Variants in MIER1 observed in about 807,000 individuals in gnomAD.
MIER1 encodes MIER1 transcriptional regulator, also known as mesoderm induction early response protein 1.
In MIER1, 40 loss-of-function variants were observed where a neutral mutation model predicts 75.7. The ratio of observed to expected loss-of-function variants is 0.53; its 90% CI spans 0.41 to 0.69. MIER1 has a LOEUF of 0.69. Among genes scored for constraint, MIER1 ranks in the 30% least tolerant of loss-of-function variants. MIER1 has a pLI of 0.00. For synonymous variants in MIER1, 213 were observed against 223.4 expected (o/e 0.95, Z 0.42); for missense variants, 574 against 680.2 (o/e 0.84, Z 1.74).
intron 4 of MIER1, among the ~76,000 whole-genome samples, chr1:66,950,865 C>A (rs1658772752): frequency 6.6e-6 from 1 of 152,152 alleles, no homozygotes; most frequent in African/African-American, 2.4e-5. Context: ...TGGATGTGGT[C>A]CCTTAGGCCT....
chr1:66,932,852 A>T (rs898121556), intron 2 of MIER1: 1 of 152,150 alleles, frequency 6.6e-6, no homozygotes, highest in African/African-American at 2.4e-5. Context: ...CTTTTAAAAA[A>T]AAAAATTGAT....
intron 5 of MIER1, among the ~76,000 whole-genome samples, 187 bp downstream of exon 5, chr1:66,958,407 G>A (rs1181551336): frequency 6.6e-6 from 1 of 151,858 alleles, no homozygotes; most frequent in Non-Finnish European, 1.5e-5. Flanking sequence ...TGAGGTAACA[G>A]TTTGGTCTTG....
intron 4 of MIER1, chr1:66,947,042 A>T (rs1431311097): frequency 2.1e-6 from 2 of 975,312 alleles, no homozygotes; most frequent in African/African-American, 3.5e-5. Context: ...ATGTAGTATG[A>T]GGGTCAGTTG....
chr1:66,925,453 T>C, intron 1 of MIER1: 2 of 985,460 alleles, frequency 2.0e-6, no homozygotes, highest in Non-Finnish European at 2.4e-6. Flanking sequence ...ACCACCCTGC[T>C]GTGGCTCCGC....
chr1:66,942,302 G>C (rs757927369), intron 3 of MIER1, among the ~76,000 whole-genome samples: 2 of 152,114 alleles, frequency 1.3e-5, no homozygotes, highest in Non-Finnish European at 2.9e-5. Context: ...TAATTGCTTT[G>C]TCTGTAGTCT....
At chr1:66,969,593 G>C (rs1393913350) in intron 8 of MIER1, among the ~76,000 whole-genome samples, 1 of 147,506 alleles carries the variant, frequency 6.8e-6, no homozygotes, top group Non-Finnish European at 1.5e-5. Context: ...CTGGTACATA[G>C]GATATGCTTA....
chr1:66,966,197 C>A (rs1264260653), intron 8 of MIER1, among the ~76,000 whole-genome samples: 1 of 152,140 alleles, frequency 6.6e-6, no homozygotes, highest in East Asian at 1.9e-4. Context: ...CTCCCCACCC[C>A]ACGACAGGCC....
At chr1:66,982,480 GT>G (rs2102085619) in intron 13 of MIER1, among the ~76,000 whole-genome samples, 1 of 152,322 alleles carries the variant, frequency 6.6e-6, no homozygotes, top group African/African-American at 2.4e-5. Flanking sequence ...TTCAGATAGT[GT>G]TTCCGTTTAA....
intron 4 of MIER1, among the ~76,000 whole-genome samples, chr1:66,951,161 C>A (rs1271162414): frequency 6.6e-6 from 1 of 152,202 alleles, no homozygotes; most frequent in African/African-American, 2.4e-5. Flanking sequence ...GCAGACTTAA[C>A]TTGAGATATA....
intron 2 of MIER1, among the ~76,000 whole-genome samples, chr1:66,928,548 G>T (rs1178385534): frequency 2.6e-5 from 4 of 152,112 alleles, no homozygotes; most frequent in Non-Finnish European, 5.9e-5. Context: ...AATTGTGTCT[G>T]TACCCACCTC....
chr1:66,985,580 A>G lies in MIER1; in HGVS notation c.*680A>G, dbSNP rs1006030293. On this transcript the variant is annotated 3_prime_UTR_variant, in exon 14 of 14. Coordinates refer to ENST00000401041, the MANE Select transcript of MIER1 (RefSeq NM_001077700.3). ...TTTCCAGATTCTTTGTAGCCTTTGAAAGATTTTTACAGTACATATGTCTTG... is the reference window on the plus strand; with the variant it reads ...TTTCCAGATTCTTTGTAGCCTTTGAGAGATTTTTACAGTACATATGTCTTG... The G allele has an allele frequency of 1.0e-6, 1 of 985,330 alleles. No individual in the cohort carries two copies. Among genetic ancestry groups the G allele is most frequent in the Non-Finnish European group, 1.2e-6 (1 of 829,784 alleles). 61.0% of individuals were successfully genotyped at this position (985,330 alleles called of 1,614,324 possible). A position where few individuals can be genotyped will look rare whatever the true frequency, so the allele number is the denominator to read the frequency against.
chr1:66,982,080 G>T (rs1448775146), intron 13 of MIER1, among the ~76,000 whole-genome samples, 162 bp downstream of exon 13: 1 of 152,122 alleles, frequency 6.6e-6, no homozygotes, highest in Non-Finnish European at 1.5e-5. Context: ...TATACTAACA[G>T]AATACAAAGT....
chr1:66,968,927 G>A (rs1419998908), intron 8 of MIER1, among the ~76,000 whole-genome samples: 1 of 152,090 alleles, frequency 6.6e-6, no homozygotes, highest in South Asian at 2.1e-4. Context: ...TCCGAATTAG[G>A]GTTTCCTTAT....
At chr1:66,942,861 A>G (rs1364759984) in intron 3 of MIER1, among the ~76,000 whole-genome samples, 3 of 152,212 alleles carry the variant, frequency 2.0e-5, no homozygotes, top group Non-Finnish European at 4.4e-5. Context: ...TTCATATATA[A>G]TTGGCTTTGC....
rs75447369 is a variant in MIER1 at position 66,931,221 on chromosome 1, G to T, written c.168+4979G>T. On this transcript the variant is annotated intron_variant, in intron 2 of 13. Coordinates refer to ENST00000401041, the MANE Select transcript of MIER1 (RefSeq NM_001077700.3). ...ATTTTACATATTTGGGCCGCAGTTG[G>T]CGGGCATACAACTGCTGTTGATTTA... Among the ~76,000 whole-genome samples the T allele has an allele frequency of 1.1e-3, 173 of 152,260 alleles. 1 individual carries two copies. The East Asian group carries it at 0.022, about 20-fold the overall frequency.
chr1:66,981,117 G>T (rs1426048895), intron 12 of MIER1, among the ~76,000 whole-genome samples: 3 of 152,066 alleles, frequency 2.0e-5, no homozygotes, highest in East Asian at 1.9e-4. Context: ...CATTTTGTAG[G>T]TGATACACTA....
chr1:66,977,754 A>G (rs1665013204), intron 12 of MIER1, among the ~76,000 whole-genome samples: 1 of 152,196 alleles, frequency 6.6e-6, no homozygotes, highest in African/African-American at 2.4e-5. Context: ...GTTATGATGG[A>G]ATTAACTTTA....
chr1:66,942,880 A>G (rs1308584055), intron 3 of MIER1, among the ~76,000 whole-genome samples: 1 of 152,210 alleles, frequency 6.6e-6, no homozygotes, highest in Non-Finnish European at 1.5e-5. Flanking sequence ...GCAAATAACA[A>G]AAAATGGACT....
intron 1 of MIER1, 93 bp downstream of exon 1, chr1:66,925,188 C>T (rs1475213248): frequency 1.1e-5 from 16 of 1,463,976 alleles, no homozygotes; most frequent in Admixed American, 6.0e-5. Flanking sequence ...TCTCTCCTTC[C>T]CCTCCCCCAC....
Sources: gnomAD v4.1 joint callset for allele counts (sites outside exome capture counted in the v4.1 genomes callset) on GRCh38, gnomAD v4.1.1 for gene constraint, MANE v1.5 for transcripts, NCBI Gene and HGNC (gene_info 2026-07-23, HGNC 2026-07-21) for gene names.